Variants in IFI44 observed in about 807,000 individuals in gnomAD.
IFI44 encodes interferon-induced protein 44.
IFI44 carries 42 observed loss-of-function variants against 45.0 expected under a neutral mutation model. That is an observed-to-expected ratio of 0.93 (90% CI 0.73 to 1.21). The LOEUF is 1.21. Ranked by LOEUF, IFI44 falls within the 50% of genes most tolerant of loss-of-function variation. The pLI is 0.00. For synonymous variants in IFI44, 221 were observed against 188.6 expected (o/e 1.17, Z -1.41); for missense variants, 623 against 525.8 (o/e 1.18, Z -1.81).
intron 8 of IFI44, chr1:78,663,163 G>C (rs1361867156): frequency 2.0e-6 from 2 of 985,072 alleles, no homozygotes; most frequent in Non-Finnish European, 2.4e-6. Flanking sequence ...AACATCCCAA[G>C]CTGTATCCCT....
intron 5 of IFI44, among the ~76,000 whole-genome samples, chr1:78,658,878 G>A (rs914440029): frequency 5.3e-5 from 8 of 152,046 alleles, no homozygotes; most frequent in African/African-American, 1.9e-4. Flanking sequence ...CAGTATATCA[G>A]TGGGACAGAT....
chr1:78,663,033 C>A, intron 8 of IFI44, 155 bp downstream of exon 8: 1 of 1,490,782 alleles, frequency 6.7e-7, no homozygotes, highest in Non-Finnish European at 8.9e-7. Context: ...ATGCATTTTT[C>A]CCTCCTTGCA....
rs767885241 is a variant in IFI44, at chr1:78,654,295, T to C, written c.494+16T>C. 3 of 1,328,698 alleles carry C rather than the reference T, an allele frequency of 2.3e-6. No homozygotes were observed. The highest frequency in any genetic ancestry group is 2.4e-5 in the South Asian group (2 of 84,542). The allele number at this position is 1,328,698 out of a possible 1,614,324, so 82.3% of individuals were successfully genotyped here. The stretch of plus-strand genomic sequence containing the variant: ...GGGTCATTGAGTAAGTCAATGTTTT[T>C]AAGATTCTATTACTCTCTTCATTAT... On this transcript the variant is annotated intron_variant, in intron 3 of 8. Coordinates refer to ENST00000370747, the MANE Select transcript of IFI44 (RefSeq NM_006417.5).
At position 78,659,790 on chromosome 1, in the gene IFI44, C is replaced by T. The variant is rs371924858; in HGVS notation, c.1012+307C>T. Among the ~76,000 whole-genome samples, 72 of 152,292 alleles carry T rather than the reference C, an allele frequency of 4.7e-4. 1 individual carries two copies. Among genetic ancestry groups the T allele is most frequent in the East Asian group, 4.6e-3 (24 of 5,180 alleles). ...TATGTGAAGGGTAGTACAATCTGAA[C>T]TACATGCTACCCCTATATCTTCGCA... On this transcript the variant is annotated intron_variant, in intron 6 of 8. Coordinates refer to ENST00000370747, the MANE Select transcript of IFI44 (RefSeq NM_006417.5).
chr1:78,662,164 G>A (rs773680685), intron 7 of IFI44, among the ~76,000 whole-genome samples: 31 of 152,260 alleles, frequency 2.0e-4, no homozygotes, highest in Non-Finnish European at 4.3e-4. Flanking sequence ...AGTATTTGTT[G>A]AGCACTAAGT....
intron 5 of IFI44, among the ~76,000 whole-genome samples, chr1:78,656,485 A>T (rs1379495443): frequency 6.6e-6 from 1 of 152,142 alleles, no homozygotes; most frequent in African/African-American, 2.4e-5. Flanking sequence ...CTATTGATGT[A>T]GTGATCTATT....
rs769102895 is a variant in IFI44 at position 78,654,271 on chromosome 1, G to A, written c.486G>A (p.Gly162=). ...CACTGGATGAAAGAAAGATAAAAGGGGTCATTGAGTAAGTCAATGTTTTTA... is the reference window on the plus strand; with the variant it reads ...CACTGGATGAAAGAAAGATAAAAGGAGTCATTGAGTAAGTCAATGTTTTTA... ...EDSLDERKIK[G]VIELRKSLLS... The change falls in exon 3 of 9, where the codon GGG becomes GGA. Residue 162 remains glycine (G), a synonymous_variant. Transcript: ENST00000370747. 6.8e-7 allele frequency: 1 copy of A among 1,480,910 alleles called. No individual in the cohort carries two copies. The highest frequency in any genetic ancestry group is 1.1e-5 in the South Asian group (1 of 87,668). The allele number at this position is 1,480,910 out of a possible 1,614,324, so 91.7% of individuals were successfully genotyped here.
rs543526313 is a variant in IFI44 at position 78,660,026 on chromosome 1, T to C, written c.1013-528T>C. On this transcript the variant is annotated intron_variant, in intron 6 of 8. Coordinates refer to ENST00000370747, the MANE Select transcript of IFI44 (RefSeq NM_006417.5). ...GTGAGAAAGAGCCAGTTTATCACTG[T>C]TCTTAGTTTTGAAGCAGAGAGTGAT... Among the ~76,000 whole-genome samples, 81 of 152,300 alleles carry C rather than the reference T, an allele frequency of 5.3e-4. 1 individual carries two copies. The highest frequency in any genetic ancestry group is 1.1e-3 in the Non-Finnish European group (72 of 68,026).
At chr1:78,657,285 A>G (rs1413806285) in intron 5 of IFI44, among the ~76,000 whole-genome samples, 2 of 152,034 alleles carry the variant, frequency 1.3e-5, no homozygotes, top group East Asian at 3.9e-4. Context: ...TTCTGACTTT[A>G]TATCCCTTGC....
At chr1:78,653,289 A>G (rs565835677) in intron 2 of IFI44, among the ~76,000 whole-genome samples, 4 of 152,136 alleles carry the variant, frequency 2.6e-5, no homozygotes, top group Non-Finnish European at 2.9e-5. Context: ...TATTTCCTAT[A>G]TATTTATAAT....
chr1:78,650,479 G>A lies in IFI44; in HGVS notation c.284G>A (p.Cys95Tyr), dbSNP rs2100426478. Reference sequence around the variant, plus strand: ...ATTTCAGAATGGAAACTAGGACTATGTACACCAGAAACACTGTTTTGTTGT... The same window carrying A: ...ATTTCAGAATGGAAACTAGGACTATATACACCAGAAACACTGTTTTGTTGT... ...TKISEWKLGL[C>Y]TPETLFCCDV... is the part of the protein sequence containing the mutation. The change falls in exon 2 of 9, where the codon TGT (cysteine) becomes TAT (tyrosine). Residue 95 changes from cysteine (C) to tyrosine (Y), a missense_variant. Cys to Tyr is a radical substitution (Grantham distance 194). Coordinates refer to ENST00000370747, the MANE Select transcript of IFI44 (RefSeq NM_006417.5). 6.2e-7 allele frequency: 1 copy of A among 1,614,030 alleles called. No individual in the cohort carries two copies. The highest frequency in any genetic ancestry group is 2.2e-5 in the East Asian group (1 of 44,854).
At chr1:78,654,141 A>G (rs1413867310) in intron 2 of IFI44, 102 bp from the exon 3 acceptor site, 1 of 743,058 alleles carries the variant, frequency 1.3e-6, no homozygotes, top group Admixed American at 2.0e-5. Flanking sequence ...TGGAAAGGCT[A>G]TTTTTGTATT....
intron 2 of IFI44, among the ~76,000 whole-genome samples, chr1:78,653,478 T>C (rs1479759462): frequency 6.6e-6 from 1 of 152,258 alleles, no homozygotes; most frequent in Non-Finnish European, 1.5e-5. Context: ...TTTGTTGCCA[T>C]ACATATAGCC....
rs1051047 is a variant in IFI44, at chr1:78,664,009, A to G, written c.*198A>G. 0.074 allele frequency: 30,045 copies of G among 406,708 alleles called. 1,366 individuals are homozygous for G. Among genetic ancestry groups the G allele is most frequent in the East Asian group, 0.15 (3,882 of 26,270 alleles). 25.2% of individuals were successfully genotyped at this position (406,708 alleles called of 1,614,324 possible). On this transcript the variant is annotated 3_prime_UTR_variant, in exon 9 of 9. Transcript: ENST00000370747. The stretch of plus-strand genomic sequence containing the variant: ...GATTTAGTCATAATTGTGAAAAATA[A>G]TAATAATTTTTCTTGGATTTATGTT...
rs748048364 is a variant in IFI44 at position 78,662,653 on chromosome 1, A to C, written c.1114-51A>C. On this transcript the variant is annotated intron_variant, in intron 7 of 8. Transcript: ENST00000370747. ...TGCTTTCATAATTTATACTAACATAAAATAATATTTTTCACTGTTTTGCAA... is the reference window on the plus strand; with the variant it reads ...TGCTTTCATAATTTATACTAACATACAATAATATTTTTCACTGTTTTGCAA... 6 of 1,394,444 alleles carry C rather than the reference A, an allele frequency of 4.3e-6. No individual in the cohort carries two copies. In the Admixed American group the frequency reaches 1.1e-4, roughly 27 times the overall value. 86.4% of individuals were successfully genotyped at this position (1,394,444 alleles called of 1,614,324 possible).
chr1:78,662,832 A>G lies in IFI44; in HGVS notation c.1242A>G (p.Leu414=), dbSNP rs1201756375. The part of the protein sequence containing the change: ...VLILSALRRM[L]WAADDFLEDL... ...TTCTTTCTGCTCTGAGACGAATGCT[A>G]TGGGCTGCAGATGACTTCTTAGAGG... The change falls in exon 8 of 9, where the codon CTA becomes CTG. Residue 414 remains leucine, a synonymous_variant. Coordinates refer to ENST00000370747, the MANE Select transcript of IFI44 (RefSeq NM_006417.5). 1.9e-6 allele frequency: 3 copies of G among 1,613,720 alleles called. No individual in the cohort carries two copies. Among genetic ancestry groups the G allele is most frequent in the Admixed American group, 1.7e-5 (1 of 59,962 alleles).
chr1:78,658,128 C>A (rs934387179), intron 5 of IFI44, among the ~76,000 whole-genome samples: 2 of 152,014 alleles, frequency 1.3e-5, no homozygotes, highest in African/African-American at 4.8e-5. Flanking sequence ...TATTCAAATT[C>A]AGTACTAGAA....
intron 5 of IFI44, among the ~76,000 whole-genome samples, chr1:78,657,325 T>C (rs1165436647): frequency 1.3e-5 from 2 of 152,082 alleles, no homozygotes; most frequent in Admixed American, 1.3e-4. Flanking sequence ...TCTTAAGAAA[T>C]CTAGTTGTTT....
Position 78,655,374 on chromosome 1 carries a change from T to A in IFI44, c.703T>A (p.Ser235Thr), listed in dbSNP as rs1647190046. The A allele has an allele frequency of 1.9e-6, 3 of 1,611,900 alleles. No homozygotes were observed. Among genetic ancestry groups the A allele is most frequent in the Non-Finnish European group, 2.5e-6 (3 of 1,179,222 alleles). ...TGISEKYRTY[S>T]IRDGKDGKYL... ...CTCCCCTCTACAGTATAGGACATACTCTATTAGAGACGGGAAAGATGGCAA... is the reference window on the plus strand; with the variant it reads ...CTCCCCTCTACAGTATAGGACATACACTATTAGAGACGGGAAAGATGGCAA... The change falls in exon 5 of 9, where the codon TCT becomes ACT. Residue 235 changes from serine (S) to threonine (T), a missense_variant. Coordinates refer to ENST00000370747, the MANE Select transcript of IFI44 (RefSeq NM_006417.5).
Sources: gnomAD v4.1 joint callset for allele counts (sites outside exome capture counted in the v4.1 genomes callset) on GRCh38, gnomAD v4.1.1 for gene constraint, MANE v1.5 for transcripts, NCBI Gene and HGNC (gene_info 2026-07-23, HGNC 2026-07-21) for gene names.